WDR41: variants seen among roughly 807,000 people sequenced by gnomAD.
WDR41 encodes WD repeat domain 41, also known as WD repeat-containing protein 41.
In WDR41, 63 loss-of-function variants were observed where a neutral mutation model predicts 69.3. The observed-to-expected ratio is 0.91, with a 90% CI of 0.74 to 1.12. The LOEUF is 1.12. Ranked by LOEUF, WDR41 falls within the 50% of genes most tolerant of loss-of-function variation. WDR41 has a pLI of 0.00. For missense variants in WDR41, 543 were observed against 534.5 expected (o/e 1.02, Z -0.16); for synonymous variants, 185 against 192.1 (o/e 0.96, Z 0.31).
intron 1 of WDR41, among the ~76,000 whole-genome samples, chr5:77,608,806 G>A (rs960942701): frequency 2.0e-5 from 3 of 152,234 alleles, no homozygotes; most frequent in East Asian, 1.9e-4. Flanking sequence ...AGTGGGCGCA[G>A]GACAGGGGTG....
At chr5:77,506,091 T>C (rs1377150012) in intron 1 of WDR41, among the ~76,000 whole-genome samples, 1 of 151,834 alleles carries the variant, frequency 6.6e-6, no homozygotes, top group African/African-American at 2.4e-5. Flanking sequence ...ACCATCAGAG[T>C]GAACAGGCAA....
chr5:77,541,725 T>C (rs1743091829), intron 1 of WDR41, among the ~76,000 whole-genome samples: 1 of 146,144 alleles, frequency 6.8e-6, no homozygotes, highest in South Asian at 2.1e-4. Context: ...ACTCCTGACC[T>C]CAGGTGATCC....
chr5:77,440,705 C>T (rs1221101992), intron 9 of WDR41, 108 bp downstream of exon 9: 7 of 1,075,376 alleles, frequency 6.5e-6, no homozygotes, highest in Middle Eastern at 3.1e-4. Context: ...CAACCTGAAA[C>T]CATGAATGAT....
intron 1 of WDR41, among the ~76,000 whole-genome samples, chr5:77,589,769 T>C (rs538717844): frequency 6.6e-6 from 1 of 152,290 alleles, no homozygotes; most frequent in African/African-American, 2.4e-5. Flanking sequence ...ATGTCATTCA[T>C]GAACAATGAC....
At chr5:77,444,968 A>C (rs1235912802) in intron 8 of WDR41, among the ~76,000 whole-genome samples, 1 of 152,228 alleles carries the variant, frequency 6.6e-6, no homozygotes, top group African/African-American at 2.4e-5. Flanking sequence ...AGAGACAAGA[A>C]AAACTCTCCA....
At chr5:77,616,151 G>A (rs1744678117) in intron 1 of WDR41, among the ~76,000 whole-genome samples, 1 of 151,252 alleles carries the variant, frequency 6.6e-6, no homozygotes, top group Non-Finnish European at 1.5e-5. Context: ...GGAAATTGGG[G>A]TGGGATAGAA....
chr5:77,576,122 T>C (rs1464619126), intron 1 of WDR41, among the ~76,000 whole-genome samples: 1 of 152,162 alleles, frequency 6.6e-6, no homozygotes, highest in African/African-American at 2.4e-5. Flanking sequence ...AATAACTGTT[T>C]GCGATATGAC....
At chr5:77,457,115 G>A (rs1408970053) in intron 5 of WDR41, among the ~76,000 whole-genome samples, 1 of 152,124 alleles carries the variant, frequency 6.6e-6, no homozygotes, top group East Asian at 1.9e-4. Flanking sequence ...TATCATGAAA[G>A]GGTGTTGGAG....
chr5:77,517,331 C>T (rs573014198), intron 1 of WDR41, among the ~76,000 whole-genome samples: 1 of 152,172 alleles, frequency 6.6e-6, no homozygotes, highest in African/African-American at 2.4e-5. Flanking sequence ...ATCTCATCAA[C>T]TTCTAACCAG....
intron 1 of WDR41, among the ~76,000 whole-genome samples, chr5:77,510,197 G>A (rs538916714): frequency 6.6e-6 from 1 of 152,340 alleles, no homozygotes; most frequent in East Asian, 1.9e-4. Context: ...GGAGCAGCAA[G>A]TAACATCTTA....
intron 1 of WDR41, among the ~76,000 whole-genome samples, chr5:77,568,036 A>G (rs1743667441): frequency 6.6e-6 from 1 of 151,916 alleles, no homozygotes; most frequent in Non-Finnish European, 1.5e-5. Flanking sequence ...TTGAGTCTAT[A>G]TCAGCTATAC....
At chr5:77,509,191 T>C (rs920344053) in intron 1 of WDR41, among the ~76,000 whole-genome samples, 3 of 152,182 alleles carry the variant, frequency 2.0e-5, no homozygotes, top group Admixed American at 2.0e-4. Flanking sequence ...TTAATTTTAT[T>C]GCTGGAGACC....
intron 1 of WDR41, among the ~76,000 whole-genome samples, chr5:77,505,838 A>G (rs898099422): frequency 3.3e-5 from 5 of 152,246 alleles, no homozygotes; most frequent in African/African-American, 1.2e-4. Flanking sequence ...AGCCATATGT[A>G]GAAAGCTGAA....
intron 8 of WDR41, among the ~76,000 whole-genome samples, chr5:77,448,021 GA>G (rs1393577654): frequency 2.0e-5 from 3 of 152,128 alleles, no homozygotes; most frequent in African/African-American, 7.2e-5. Flanking sequence ...AAAGCTTTCA[GA>G]AACTGCTGTA....
intron 3 of WDR41, among the ~76,000 whole-genome samples, chr5:77,463,714 T>A (rs1000429157): frequency 7.2e-5 from 11 of 152,208 alleles, no homozygotes; most frequent in African/African-American, 2.4e-4. Context: ...CTCCACTCCA[T>A]CGTTATTTAA....
At chr5:77,539,391 C>T (rs552649174) in intron 1 of WDR41, among the ~76,000 whole-genome samples, 14 of 152,160 alleles carry the variant, frequency 9.2e-5, no homozygotes, top group Admixed American at 5.2e-4. Context: ...CTTTAATGTG[C>T]GTAAGAGTCA....
intron 2 of WDR41, among the ~76,000 whole-genome samples, chr5:77,479,775 T>C (rs1437651014): frequency 2.6e-5 from 4 of 151,720 alleles, no homozygotes; most frequent in Non-Finnish European, 5.9e-5. Context: ...AAGGACTTCA[T>C]GTCTAAAACA....
intron 1 of WDR41, among the ~76,000 whole-genome samples, chr5:77,602,387 G>C (rs1473893557): frequency 6.6e-6 from 1 of 152,108 alleles, no homozygotes; most frequent in East Asian, 1.9e-4. Flanking sequence ...TGATCCACCT[G>C]CCTCGGCCTC....
chr5:77,607,207 C>G (rs1359222913), intron 1 of WDR41, among the ~76,000 whole-genome samples: 1 of 152,046 alleles, frequency 6.6e-6, no homozygotes, highest in East Asian at 1.9e-4. Context: ...TGGAACTGAA[C>G]AATGAAGGTA....
Sources: gnomAD v4.1 joint callset for allele counts (sites outside exome capture counted in the v4.1 genomes callset) on GRCh38, gnomAD v4.1.1 for gene constraint, MANE v1.5 for transcripts, NCBI Gene and HGNC (gene_info 2026-07-23, HGNC 2026-07-21) for gene names.